Variants in OBI1 observed in about 807,000 individuals in gnomAD.
OBI1 encodes the protein ring finger protein 219.
A neutral mutation model predicts 62.4 loss-of-function variants in OBI1; 59 were observed. That is an observed-to-expected ratio of 0.95 (90% CI 0.77 to 1.17). OBI1 has a LOEUF of 1.17. Ranked by LOEUF, OBI1 falls within the 50% of genes most tolerant of loss-of-function variation. OBI1 has a pLI of 0.00. For synonymous variants in OBI1, 302 were observed against 292.8 expected (o/e 1.03, Z -0.32); for missense variants, 875 against 830.9 (o/e 1.05, Z -0.65).
intron 5 of OBI1, among the ~76,000 whole-genome samples, chr13:78,621,007 C>T (rs1478679405): frequency 1.3e-5 from 2 of 152,170 alleles, no homozygotes; most frequent in African/African-American, 4.8e-5. Flanking sequence ...GAAATGCCTT[C>T]TTGAGGAGGA....
chr13:78,651,001 AAG>A (rs1399386378), intron 1 of OBI1, among the ~76,000 whole-genome samples: 1 of 152,204 alleles, frequency 6.6e-6, no homozygotes, highest in African/African-American at 2.4e-5. Context: ...TAAGTCTAAG[AAG>A]CCACAGATTT....
chr13:78,654,262 T>TACA (rs1265438344), intron 1 of OBI1, among the ~76,000 whole-genome samples: 2 of 152,228 alleles, frequency 1.3e-5, no homozygotes, highest in African/African-American at 4.8e-5. Context: ...AATTAACTTA[T>TACA]TATACACTAT....
rs1486769478 is a variant in OBI1, at chr13:78,616,516, A to T, written c.1245T>A (p.Gly415=). The T allele has an allele frequency of 6.2e-7, 1 of 1,614,032 alleles. No homozygotes were observed. The highest frequency in any genetic ancestry group is 8.5e-7 in the Non-Finnish European group (1 of 1,180,038). Residue 415 remains glycine (G), a synonymous_variant, in exon 6 of 6, where the codon GGT becomes GGA. Transcript: ENST00000282003. The stretch of plus-strand genomic sequence containing the variant: ...TGAGATGGTTTGAGTGCTTTTTGGA[A>T]CCTCCTGCTTGGACCACAGAGCTCT... ...NRESSVVQAG[G]SKKHSNHLRK...
In OBI1 at chr13:78,651,561, T is replaced by C. The variant is rs542720882; in HGVS notation, c.73-6564A>G. Among the ~76,000 whole-genome samples the C allele has an allele frequency of 2.6e-4, 39 of 152,216 alleles. 1 individual carries two copies. The South Asian group carries it at 5.8e-3, about 23-fold the overall frequency. ...TATGGGGCTCCCTATTTATAGAGCT[T>C]CCATTTCTCAGCTTGATATATCCTC... is the stretch of plus-strand genomic sequence containing the variant. On this transcript the variant is annotated intron_variant, in intron 1 of 5. Transcript: ENST00000282003.
chr13:78,617,003 T>A lies in OBI1; in HGVS notation c.758A>T (p.Gln253Leu). Reference protein sequence around the residue: ...SDKYIEELESQVAQLKNSSEE... With the variant: ...SDKYIEELESLVAQLKNSSEE... ...ACTTGAATTTTTTAGCTGTGCAACT[T>A]GAGATTCTAGTTCCTCTATATACTT... Residue 253 changes from glutamine to leucine, a missense_variant, in exon 6 of 6, where the codon CAA (glutamine) becomes CTA (leucine). Physicochemically the swap from Gln to Leu is moderately radical, Grantham distance 113. Coordinates refer to ENST00000282003, the MANE Select transcript of OBI1 (RefSeq NM_024546.4). 6.2e-7 allele frequency: 1 copy of A among 1,612,284 alleles called. No homozygotes were observed. Among genetic ancestry groups the A allele is most frequent in the Non-Finnish European group, 8.5e-7 (1 of 1,178,286 alleles).
chr13:78,620,165 ATTTGGCAAAGGGC>A (rs1338353329), intron 5 of OBI1, among the ~76,000 whole-genome samples: 1 of 152,196 alleles, frequency 6.6e-6, no homozygotes, highest in African/African-American at 2.4e-5. Flanking sequence ...ACTATATTAA[ATTTGGCAAAGGGC>A]AATTTACCTT....
At chr13:78,653,670 T>C (rs1407453156) in intron 1 of OBI1, among the ~76,000 whole-genome samples, 2 of 152,156 alleles carry the variant, frequency 1.3e-5, no homozygotes. Context: ...ATGGAGGTGA[T>C]GGGAGTGAAG....
chr13:78,617,715 GGCCTTT>G (rs1186523398), intron 5 of OBI1, among the ~76,000 whole-genome samples: 1 of 152,028 alleles, frequency 6.6e-6, no homozygotes, highest in Non-Finnish European at 1.5e-5. Context: ...TCAGAGCACT[GGCCTTT>G]AATTTATGTC....
intron 5 of OBI1, among the ~76,000 whole-genome samples, chr13:78,631,140 C>A (rs978286035): frequency 2.6e-5 from 4 of 151,998 alleles, no homozygotes; most frequent in African/African-American, 9.7e-5. Context: ...CTGTATGTTT[C>A]CTCAGTCATA....
intron 1 of OBI1, among the ~76,000 whole-genome samples, chr13:78,649,756 T>C (rs1876493563): frequency 1.3e-5 from 2 of 152,070 alleles, no homozygotes; most frequent in South Asian, 4.2e-4. Context: ...AAAGGAGATT[T>C]TGGCACATAC....
intron 5 of OBI1, chr13:78,620,700 G>C: frequency 2.2e-6 from 1 of 455,560 alleles, no homozygotes; most frequent in Non-Finnish European, 4.4e-6. Context: ...AAGAGAAATG[G>C]AAGTCCTATT....
At position 78,616,682 on chromosome 13, in the gene OBI1, A is replaced by T; in HGVS notation, c.1079T>A (p.Met360Lys). ...CCATTCTCTTTCCAAATAAGTATCC[A>T]TACTTGTATCTGTCACATCTAACAT... ...EVMLDVTDTS[M>K]DTYLEREWGN... is the part of the protein sequence containing the mutation. The change falls in exon 6 of 6, where the codon ATG becomes AAG. Residue 360 changes from methionine to lysine, a missense_variant. Physicochemically the swap from Met to Lys is moderately conservative, Grantham distance 95. Coordinates refer to ENST00000282003, the MANE Select transcript of OBI1 (RefSeq NM_024546.4). The T allele has an allele frequency of 6.2e-7, 1 of 1,614,194 alleles. No homozygotes were observed. The highest frequency in any genetic ancestry group is 8.5e-7 in the Non-Finnish European group (1 of 1,180,018).
In OBI1 at chr13:78,632,851, C is replaced by G. The variant is rs80034182; in HGVS notation, c.638+2259G>C. Among the ~76,000 whole-genome samples, 1,114 of 152,228 alleles carry G rather than the reference C, an allele frequency of 7.3e-3. 19 individuals carry two copies. Among genetic ancestry groups the G allele is most frequent in the African/African-American group, 0.026 (1,064 of 41,552 alleles). ...ACGGTTTTCAGCTCAAATCGCTTTT[C>G]AAGTGAACTTCCCCTGAAGGGAACC... is the stretch of plus-strand genomic sequence containing the variant. On this transcript the variant is annotated intron_variant, in intron 5 of 5. Transcript: ENST00000282003.
chr13:78,657,562 T>G (rs1876749292), intron 1 of OBI1, among the ~76,000 whole-genome samples: 1 of 152,216 alleles, frequency 6.6e-6, no homozygotes, highest in African/African-American at 2.4e-5. Flanking sequence ...CACTCTGTAG[T>G]CTGCAAATCA....
intron 3 of OBI1, among the ~76,000 whole-genome samples, chr13:78,639,302 T>C (rs1004798163): frequency 2.0e-5 from 3 of 152,240 alleles, no homozygotes; most frequent in Non-Finnish European, 4.4e-5. Context: ...TTTAATTCAA[T>C]GTTAGTTGTG....
At chr13:78,640,114 CA>C (rs1392424970) in intron 3 of OBI1, among the ~76,000 whole-genome samples, 3 of 150,522 alleles carry the variant, frequency 2.0e-5, no homozygotes, top group Non-Finnish European at 3.0e-5. Context: ...CAAAAAAGAA[CA>C]AAAAAACAAA....
Sources: allele counts gnomAD v4.1 joint callset (sites outside exome capture counted in the v4.1 genomes callset), GRCh38; gene constraint gnomAD v4.1.1; transcripts MANE v1.5; gene names NCBI Gene and HGNC (gene_info 2026-07-23, HGNC 2026-07-21).